HPSE2: variants seen among roughly 807,000 people sequenced by gnomAD.
HPSE2 encodes the protein inactive heparanase-2.
HPSE2 carries 38 observed loss-of-function variants against 60.5 expected under a neutral mutation model. That is an observed-to-expected ratio of 0.63 (90% CI 0.48 to 0.82). The LOEUF (loss-of-function observed/expected upper bound fraction) is 0.82, where lower values mean the gene tolerates loss of function less well. Among genes scored for constraint, HPSE2 ranks in the 40% least tolerant of loss-of-function variants. The pLI is 0.00. For synonymous variants in HPSE2, 295 were observed against 293.2 expected, an observed-to-expected ratio of 1.01 and a Z score of -0.06; for missense variants, 713 against 740.4, an observed-to-expected ratio of 0.96 and a Z score of 0.43.
At chr10:98,566,661 A>G (rs967377572) in intron 9 of HPSE2, among the ~76,000 whole-genome samples, 1 of 152,206 alleles carries the variant, frequency 6.6e-6, no homozygotes, top group African/African-American at 2.4e-5. Context: ...TAACCTGCCC[A>G]TGTGCCCAGG....
At chr10:99,236,367 AG>A (rs779696863), upstream of HPSE2, among the ~76,000 whole-genome samples, 63 of 152,128 alleles carry the variant, frequency 4.1e-4, 4 homozygotes, top group East Asian at 2.5e-3. Context: ...CCGACCCGAA[AG>A]CCCCAGCGCC....
At chr10:99,240,778 T>C (rs7901046), upstream of HPSE2, among the ~76,000 whole-genome samples, 78,258 of 152,096 alleles carry the variant, frequency 0.51, 23,287 homozygotes, top group East Asian at 0.66. Context: ...AACTCATTAA[T>C]TCTATATGCC....
At chr10:98,488,421 T>C (rs1227868290) in intron 10 of HPSE2, among the ~76,000 whole-genome samples, 1 of 152,180 alleles carries the variant, frequency 6.6e-6, no homozygotes, top group Non-Finnish European at 1.5e-5. Context: ...CAAAAATGAA[T>C]GAGACACTGG....
chr10:98,916,461 T>C (rs1194597960), intron 3 of HPSE2, among the ~76,000 whole-genome samples: 2 of 152,218 alleles, frequency 1.3e-5, no homozygotes, highest in African/African-American at 4.8e-5. Flanking sequence ...TATATGACTC[T>C]CTTAATTCTT....
intron 2 of HPSE2, among the ~76,000 whole-genome samples, chr10:99,202,144 A>G (rs1255904542): frequency 6.6e-6 from 1 of 152,254 alleles, no homozygotes; most frequent in Non-Finnish European, 1.5e-5. Context: ...TAATATAGAT[A>G]TAGACAGATA....
chr10:98,980,908 A>G (rs1564708343), intron 3 of HPSE2, among the ~76,000 whole-genome samples: 1 of 152,142 alleles, frequency 6.6e-6, no homozygotes, highest in Admixed American at 6.6e-5. Flanking sequence ...TTTTTCCTCT[A>G]TGGCTCAATA....
chr10:98,974,503 T>C (rs946634175), intron 3 of HPSE2, among the ~76,000 whole-genome samples: 22 of 152,044 alleles, frequency 1.4e-4, no homozygotes, highest in Admixed American at 3.9e-4. Context: ...CCTGACCTCG[T>C]GATCCACCCG....
chr10:99,040,596 T>C (rs1957715335), intron 3 of HPSE2, among the ~76,000 whole-genome samples: 1 of 152,158 alleles, frequency 6.6e-6, no homozygotes, highest in Non-Finnish European at 1.5e-5. Context: ...TGCAATCAAA[T>C]CTGCCGCTCA....
intron 3 of HPSE2, among the ~76,000 whole-genome samples, chr10:98,865,134 G>C (rs1952557494): frequency 6.6e-6 from 1 of 152,078 alleles, no homozygotes; most frequent in Non-Finnish European, 1.5e-5. Context: ...CTAGTTAGGA[G>C]AGGAACTAAG....
intron 3 of HPSE2, among the ~76,000 whole-genome samples, chr10:99,098,684 A>G (rs750046790): frequency 6.6e-6 from 1 of 152,318 alleles, no homozygotes; most frequent in Non-Finnish European, 1.5e-5. Flanking sequence ...TTTATTACAC[A>G]TAGAAAATAT....
At chr10:99,266,127 G>A in the HPSE2 span, among the ~76,000 whole-genome samples, 3 of 152,174 alleles carry the variant, frequency 2.0e-5, no homozygotes, top group East Asian at 5.8e-4. Context: ...AAGTTTCCCG[G>A]ACAGAACTTG....
In HPSE2 at chr10:98,631,411, G is replaced by A. The variant is rs557333252; in HGVS notation, c.1098+10436C>T. 3.9e-5 allele frequency among the ~76,000 whole-genome samples: 6 copies of A among 152,318 alleles called. No individual in the cohort carries two copies. In the East Asian group the frequency reaches 7.7e-4, roughly 20 times the overall value. On this transcript the variant is annotated intron_variant, in intron 7 of 11. Coordinates refer to ENST00000370552, the MANE Select transcript of HPSE2 (RefSeq NM_021828.5). ...CGTTCAAGGATAAGTGCTAGTGAGA[G>A]AGAGATTGGAAAGTAGCCACTTGCA...
At chr10:98,691,119 G>A (rs1272257148) in intron 6 of HPSE2, among the ~76,000 whole-genome samples, 2 of 152,088 alleles carry the variant, frequency 1.3e-5, no homozygotes, top group African/African-American at 2.4e-5. Flanking sequence ...TTGAAGAAAC[G>A]TGGCATTTGG....
chr10:98,911,185 C>T (rs1176204068), intron 3 of HPSE2, among the ~76,000 whole-genome samples: 1 of 152,096 alleles, frequency 6.6e-6, no homozygotes, highest in Non-Finnish European at 1.5e-5. Flanking sequence ...TTTCTTTGAG[C>T]AAGACATGAT....
intron 3 of HPSE2, among the ~76,000 whole-genome samples, chr10:99,028,417 G>T (rs1210490649): frequency 2.0e-5 from 3 of 151,720 alleles, no homozygotes; most frequent in Non-Finnish European, 4.4e-5. Context: ...AAATACCTAG[G>T]AATTAACCAA....
intron 3 of HPSE2, among the ~76,000 whole-genome samples, chr10:99,070,160 G>C (rs922709426): frequency 6.6e-6 from 1 of 152,162 alleles, no homozygotes; most frequent in Admixed American, 6.5e-5. Flanking sequence ...GCTGCTTGAA[G>C]GACATTCACA....
chr10:99,102,004 T>C (rs1844017053), intron 3 of HPSE2, among the ~76,000 whole-genome samples: 1 of 152,210 alleles, frequency 6.6e-6, no homozygotes, highest in African/African-American at 2.4e-5. Context: ...GGTAAATTTA[T>C]AGCACTAAAT....
chr10:99,050,952 CGTGTGTGTGT>C (rs147438459), intron 3 of HPSE2, among the ~76,000 whole-genome samples: 12 of 149,412 alleles, frequency 8.0e-5, no homozygotes, highest in Non-Finnish European at 1.6e-4. Context: ...TTGATTCAAT[CGTGTGTGTGT>C]GTGTGTGTGT....
intron 9 of HPSE2, among the ~76,000 whole-genome samples, chr10:98,545,095 G>A (rs570063798): frequency 3.9e-5 from 6 of 152,332 alleles, no homozygotes; most frequent in Non-Finnish European, 7.3e-5. Context: ...TCTGCCAAGA[G>A]TAAACCAGGA....
Sources: gnomAD v4.1 joint callset for allele counts (sites outside exome capture counted in the v4.1 genomes callset) on GRCh38, gnomAD v4.1.1 for gene constraint, MANE v1.5 for transcripts, NCBI Gene and HGNC (gene_info 2026-07-23, HGNC 2026-07-21) for gene names.